DCAF6: variants seen among roughly 807,000 people sequenced by gnomAD.
The protein encoded by DCAF6 is DDB1 and CUL4 associated factor 6.
A neutral mutation model predicts 125.1 loss-of-function variants in DCAF6; 54 were observed. The observed-to-expected ratio is 0.43, with a 90% confidence interval of 0.35 to 0.54. DCAF6 has a LOEUF of 0.54. Among genes scored for constraint, DCAF6 ranks in the 20% least tolerant of loss-of-function variants. The probability of loss-of-function intolerance (pLI) is 0.01; values close to 1 mark genes in which losing one functional copy is unlikely to be tolerated. For missense variants in DCAF6, 934 were observed against 1,161.7 expected, an observed-to-expected ratio of 0.80 and a Z score of 2.85; for synonymous variants, 371 against 390.4, an observed-to-expected ratio of 0.95 and a Z score of 0.58.
intron 10 of DCAF6, among the ~76,000 whole-genome samples, chr1:168,009,449 T>C (rs1683941645): frequency 1.5e-5 from 1 of 66,974 alleles, no homozygotes; most frequent in Non-Finnish European, 2.6e-5. Flanking sequence ...TTTCTTTCTT[T>C]CTGTCTCTCT....
chr1:167,974,627 AATCTT>A (rs1334656488), intron 3 of DCAF6, among the ~76,000 whole-genome samples, 198 bp from the exon 4 acceptor site: 3 of 152,196 alleles, frequency 2.0e-5, no homozygotes, highest in African/African-American at 7.2e-5. Flanking sequence ...GATGGTACTC[AATCTT>A]ATTCACATCT....
At chr1:168,064,079 A>AT (rs11295034) in intron 18 of DCAF6, 1,867 of 92,434 alleles carry the variant, frequency 0.02, 40 homozygotes, top group African/African-American at 0.059. Flanking sequence ...TTTCTGGTGG[A>AT]TTTTTTTTTT....
At chr1:167,961,530 T>G (rs559571924) in intron 2 of DCAF6, among the ~76,000 whole-genome samples, 280 of 152,256 alleles carry the variant, frequency 1.8e-3, no homozygotes, top group African/African-American at 6.1e-3. Flanking sequence ...CGTGAGCCAC[T>G]GTGCCTGGCC....
chr1:168,025,895 T>G (rs1557995072), intron 12 of DCAF6, among the ~76,000 whole-genome samples: 1 of 152,214 alleles, frequency 6.6e-6, no homozygotes. Flanking sequence ...TGACTTGATT[T>G]CTGTATCTCT....
intron 11 of DCAF6, among the ~76,000 whole-genome samples, chr1:168,018,420 A>G (rs1260047909): frequency 6.6e-6 from 1 of 152,138 alleles, no homozygotes; most frequent in Non-Finnish European, 1.5e-5. Flanking sequence ...TTATGTGGAA[A>G]TTCCAATAGA....
intron 4 of DCAF6, among the ~76,000 whole-genome samples, chr1:167,977,800 T>C (rs888196643): frequency 3.3e-5 from 5 of 152,160 alleles, no homozygotes; most frequent in Non-Finnish European, 5.9e-5. Context: ...ATAGAACATA[T>C]AGGAAAAGTA....
chr1:168,016,620 A>G (rs1285606204), intron 11 of DCAF6, among the ~76,000 whole-genome samples: 1 of 152,146 alleles, frequency 6.6e-6, no homozygotes, highest in African/African-American at 2.4e-5. Context: ...ATGCCCTGTC[A>G]TCTTATGACC....
chr1:168,057,109 G>A (rs1690971338), intron 17 of DCAF6, among the ~76,000 whole-genome samples: 1 of 152,016 alleles, frequency 6.6e-6, no homozygotes, highest in Non-Finnish European at 1.5e-5. Flanking sequence ...ACCCTAAAAA[G>A]TCTTTGTTCT....
At chr1:168,045,351 A>T in intron 16 of DCAF6, 124 bp downstream of exon 16, 1 of 797,096 alleles carries the variant, frequency 1.3e-6, no homozygotes, top group South Asian at 2.0e-5. Context: ...TCATTCATAT[A>T]AACTTAAAGA....
At chr1:168,062,897 CT>C (rs1297067092) in intron 17 of DCAF6, among the ~76,000 whole-genome samples, 1 of 150,256 alleles carries the variant, frequency 6.7e-6, no homozygotes, top group Non-Finnish European at 1.5e-5. Flanking sequence ...TGTTTTATTG[CT>C]TATATATTAA....
intron 1 of DCAF6, among the ~76,000 whole-genome samples, chr1:167,940,103 AT>A (rs536656596): frequency 6.6e-6 from 1 of 152,278 alleles, no homozygotes; most frequent in South Asian, 2.1e-4. Flanking sequence ...TTTGTAATTG[AT>A]TTTACTTAAA....
At chr1:167,888,728 T>C in the DCAF6 span, among the ~76,000 whole-genome samples, 1 of 151,708 alleles carries the variant, frequency 6.6e-6, no homozygotes, top group South Asian at 2.1e-4. Context: ...CACAAAAAAT[T>C]AGCGGGGCGT....
chr1:167,896,633 G>T, the DCAF6 span: 1 of 1,613,114 alleles, frequency 6.2e-7, no homozygotes, highest in South Asian at 1.1e-5. Flanking sequence ...CATGAAGGTC[G>T]TACACTTTGT....
chr1:167,880,030 C>G, the DCAF6 span: 2 of 1,168,090 alleles, frequency 1.7e-6, no homozygotes, highest in Non-Finnish European at 2.5e-6. Context: ...ATGTCTCACT[C>G]ATTTTTGTGC....
chr1:168,035,670 A>G (rs1687709772), intron 12 of DCAF6, among the ~76,000 whole-genome samples: 1 of 151,612 alleles, frequency 6.6e-6, no homozygotes, highest in African/African-American at 2.4e-5. Flanking sequence ...TAAATGAACA[A>G]ATTCTATCAA....
chr1:167,917,764 A>C, the DCAF6 span: 1 of 152,298 alleles, frequency 6.6e-6, no homozygotes, highest in African/African-American at 2.4e-5. Flanking sequence ...ACATTATCTC[A>C]TTAATCTTTA....
upstream of DCAF6, among the ~76,000 whole-genome samples, chr1:167,932,049 T>A (rs1158724582): frequency 6.6e-6 from 1 of 152,178 alleles, no homozygotes; most frequent in Non-Finnish European, 1.5e-5. Flanking sequence ...CACAGAACTA[T>A]TTTTTCAAAA....
the DCAF6 span, among the ~76,000 whole-genome samples, chr1:167,906,694 T>A: frequency 6.8e-6 from 1 of 146,096 alleles, no homozygotes; most frequent in Non-Finnish European, 1.5e-5. Context: ...GAGGCTGAGG[T>A]GGGAGGATGG....
At chr1:167,924,454 G>T in the DCAF6 span, 2 of 1,531,818 alleles carry the variant, frequency 1.3e-6, no homozygotes, top group South Asian at 1.2e-5. Flanking sequence ...TTCCTATTAA[G>T]GAATTTGTCT....
Sources: allele counts gnomAD v4.1 joint callset (sites outside exome capture counted in the v4.1 genomes callset), GRCh38; gene constraint gnomAD v4.1.1; transcripts MANE v1.5; gene names NCBI Gene and HGNC (gene_info 2026-07-23, HGNC 2026-07-21).